Variants in BRAF observed in about 807,000 individuals in gnomAD.
BRAF encodes the protein B-Raf proto-oncogene, serine/threonine kinase.
A neutral mutation model predicts 104.6 loss-of-function variants in BRAF; 16 were observed. That is an observed-to-expected ratio of 0.15 (90% CI 0.10 to 0.23). The LOEUF (loss-of-function observed/expected upper bound fraction) is 0.23, where lower values mean the gene tolerates loss of function less well. Among genes scored for constraint, BRAF ranks in the 10% least tolerant of loss-of-function variants. BRAF has a pLI of 1.00. For missense variants in BRAF, 541 were observed against 937.3 expected, an observed-to-expected ratio of 0.58 and a Z score of 5.52; for synonymous variants, 310 against 341.6, an observed-to-expected ratio of 0.91 and a Z score of 1.02.
intron 3 of BRAF, among the ~76,000 whole-genome samples, chr7:140,817,257 A>T (rs1215915112): frequency 6.6e-6 from 1 of 152,156 alleles, no homozygotes. Context: ...GAAGTGAAAG[A>T]TTTCTACAAT....
chr7:140,774,126 T>C (rs1800109297), intron 14 of BRAF, among the ~76,000 whole-genome samples: 2 of 152,334 alleles, frequency 1.3e-5, no homozygotes, highest in South Asian at 4.1e-4. Context: ...AAAGAAACTA[T>C]ATCCTCCTTG....
chr7:140,914,997 C>G (rs571713342), intron 1 of BRAF, among the ~76,000 whole-genome samples: 5 of 89,580 alleles, frequency 5.6e-5, no homozygotes, highest in Non-Finnish European at 6.2e-5. Context: ...TGCAATGAGC[C>G]GAGATCACAC....
intron 5 of BRAF, 91 bp downstream of exon 5, chr7:140,807,869 C>T: frequency 8.2e-6 from 8 of 970,820 alleles, no homozygotes; most frequent in Non-Finnish European, 1.1e-5. Context: ...TCCAAAATTA[C>T]TCATCCATAT....
intron 2 of BRAF, among the ~76,000 whole-genome samples, chr7:140,839,817 C>G (rs576287346): frequency 6.6e-6 from 1 of 152,316 alleles, no homozygotes; most frequent in East Asian, 1.9e-4. Flanking sequence ...GCAAGTTGAT[C>G]TAATTATGTG....
intron 2 of BRAF, among the ~76,000 whole-genome samples, chr7:140,847,942 C>A (rs1808755065): frequency 6.6e-6 from 1 of 152,164 alleles, no homozygotes. Flanking sequence ...ATAATACACA[C>A]ACATTGTATA....
Position 140,854,231 on chromosome 7 carries a change from C to G in BRAF, c.139-4019G>C, listed in dbSNP as rs541287051. Among the ~76,000 whole-genome samples the G allele has an allele frequency of 1.1e-4, 16 of 152,244 alleles. No individual in the cohort carries two copies. The South Asian group carries it at 1.5e-3, about 14-fold the overall frequency. On this transcript the variant is annotated intron_variant, in intron 1 of 19. Coordinates refer to ENST00000644969, the MANE Select transcript of BRAF (RefSeq NM_001374258.1). ...TCTATGATGTGTTCACTGATCAACTCGGCAAAACTGTTTTCTAAGTCATAA... is the reference window on the plus strand; with the variant it reads ...TCTATGATGTGTTCACTGATCAACTGGGCAAAACTGTTTTCTAAGTCATAA...
At chr7:140,737,611 T>C (rs1165659936) in intron 18 of BRAF, among the ~76,000 whole-genome samples, 1 of 152,214 alleles carries the variant, frequency 6.6e-6, no homozygotes, top group African/African-American at 2.4e-5. Flanking sequence ...ATGTTATTTT[T>C]CTATATAGAA....
At chr7:140,795,742 C>T (rs62487923) in intron 7 of BRAF, among the ~76,000 whole-genome samples, 8,596 of 151,990 alleles carry the variant, frequency 0.057, 290 homozygotes, top group South Asian at 0.11. Context: ...GAAATGAATC[C>T]ACTTAGAATT....
chr7:140,775,495 G>A (rs927346448), intron 14 of BRAF, among the ~76,000 whole-genome samples: 2 of 151,908 alleles, frequency 1.3e-5, no homozygotes, highest in African/African-American at 4.8e-5. Context: ...TTACAGGCTT[G>A]TGCCTGGCTC....
chr7:140,766,310 G>T (rs1799315323), intron 14 of BRAF, among the ~76,000 whole-genome samples: 1 of 151,880 alleles, frequency 6.6e-6, no homozygotes, highest in Non-Finnish European at 1.5e-5. Flanking sequence ...CAGGGGGGAG[G>T]GATAGCATTA....
intron 1 of BRAF, among the ~76,000 whole-genome samples, chr7:140,919,837 T>TG (rs561002612): frequency 1.0e-3 from 155 of 151,980 alleles, no homozygotes; most frequent in East Asian, 2.9e-3. Flanking sequence ...TTTGTTTTTT[T>TG]TTTGTTTGTT....
intron 1 of BRAF, among the ~76,000 whole-genome samples, chr7:140,916,893 T>C (rs1817689564): frequency 6.6e-6 from 1 of 152,202 alleles, no homozygotes. Flanking sequence ...TGATTTTAAA[T>C]TTAACTATAA....
Position 140,912,943 on chromosome 7 carries a change from C to T in BRAF, c.138+11623G>A, listed in dbSNP as rs191964481. On this transcript the variant is annotated intron_variant, in intron 1 of 19. Coordinates refer to ENST00000644969, the MANE Select transcript of BRAF (RefSeq NM_001374258.1). ...TAACTGAAAGAGATCCTTCCCTAAT[C>T]CCCTAGTCTCTACCTTGCCCCAGCA... Among the ~76,000 whole-genome samples, 459 of 152,342 alleles carry T rather than the reference C, an allele frequency of 3.0e-3. 4 individuals carry two copies. The highest frequency in any genetic ancestry group is 4.2e-3 in the Non-Finnish European group (286 of 68,034).
chr7:140,770,606 G>A (rs1273239430), intron 14 of BRAF, among the ~76,000 whole-genome samples: 1 of 150,956 alleles, frequency 6.6e-6, no homozygotes, highest in East Asian at 1.9e-4. Context: ...AAGATATCTG[G>A]GTCCTTGGGA....
chr7:140,778,587 T>A (rs555980624), intron 12 of BRAF, among the ~76,000 whole-genome samples: 55 of 151,820 alleles, frequency 3.6e-4, no homozygotes, highest in African/African-American at 1.3e-3. Flanking sequence ...CACTAAAATT[T>A]AAAAAAAACT....
chr7:140,881,882 C>T (rs1257092537), intron 1 of BRAF, among the ~76,000 whole-genome samples: 1 of 152,114 alleles, frequency 6.6e-6, no homozygotes, highest in African/African-American at 2.4e-5. Context: ...AGTTCACTGC[C>T]TTATTATGGG....
chr7:140,863,863 T>A (rs1810666155), intron 1 of BRAF, among the ~76,000 whole-genome samples: 1 of 152,206 alleles, frequency 6.6e-6, no homozygotes, highest in Non-Finnish European at 1.5e-5. Flanking sequence ...CTGTAGAGCC[T>A]GCAGAACCGT....
intron 1 of BRAF, among the ~76,000 whole-genome samples, chr7:140,857,981 AT>A (rs1456840401): frequency 1.3e-5 from 2 of 152,210 alleles, no homozygotes; most frequent in African/African-American, 4.8e-5. Context: ...TTATGCATGT[AT>A]CCCGCCTTTT....
chr7:140,920,169 T>C (rs1448824856), intron 1 of BRAF, among the ~76,000 whole-genome samples: 3 of 152,116 alleles, frequency 2.0e-5, no homozygotes, highest in Non-Finnish European at 4.4e-5. Context: ...AAATGTAAGG[T>C]GACTAGACCA....
Sources: allele counts gnomAD v4.1 joint callset (sites outside exome capture counted in the v4.1 genomes callset), GRCh38; gene constraint gnomAD v4.1.1; transcripts MANE v1.5; gene names NCBI Gene and HGNC (gene_info 2026-07-23, HGNC 2026-07-21).